UBE2D2: variants seen among roughly 807,000 people sequenced by gnomAD.
UBE2D2 encodes the protein ubiquitin-conjugating enzyme E2 D2.
Under a neutral mutation model 24.2 loss-of-function variants are expected in UBE2D2, and 2 were observed. The observed-to-expected ratio is 0.08, with a 90% CI of 0.03 to 0.26. The LOEUF (loss-of-function observed/expected upper bound fraction) is 0.26. Among genes scored for constraint, UBE2D2 ranks in the 10% least tolerant of loss-of-function variants. The probability of loss-of-function intolerance (pLI) is 1.00; values close to 1 mark genes in which losing one functional copy is unlikely to be tolerated. For missense variants in UBE2D2, 44 were observed against 177.6 expected, an observed-to-expected ratio of 0.25 and a Z score of 4.28; for synonymous variants, 58 against 56.5, an observed-to-expected ratio of 1.03 and a Z score of -0.12.
rs1754046635 is a variant in UBE2D2, at chr5:139,600,390, C to T, written c.43C>T (p.Arg15Trp). ...TCTGTAGGAATTGAATGATCTGGCA[C>T]GGGACCCTCCAGCACAGTGTTCAGC... ...RIHKELNDLA[R>W]DPPAQCSAGP... Residue 15 changes from arginine to tryptophan, a missense_variant, in exon 2 of 7, where the codon CGG (arginine) becomes TGG (tryptophan). Physicochemically the swap from Arg to Trp is moderately radical, Grantham distance 101 (BLOSUM62 -3). This residue lies in a region of UBE2D2 where 23 missense variants were observed against 141.9 expected (regional missense o/e 0.16). Coordinates refer to ENST00000398733, the MANE Select transcript of UBE2D2 (RefSeq NM_003339.3). 1.2e-6 allele frequency: 2 copies of T among 1,613,882 alleles called. No individual in the cohort carries two copies. Among genetic ancestry groups the T allele is most frequent in the Non-Finnish European group, 1.7e-6 (2 of 1,180,020 alleles).
chr5:139,571,161 C>G (rs898010037), intron 1 of UBE2D2, among the ~76,000 whole-genome samples: 2 of 152,098 alleles, frequency 1.3e-5, no homozygotes, highest in Admixed American at 1.3e-4. Context: ...GTAATCCCAG[C>G]ACTTTGGGAG....
intron 1 of UBE2D2, among the ~76,000 whole-genome samples, chr5:139,530,302 G>A (rs1752585745): frequency 6.6e-6 from 1 of 152,300 alleles, no homozygotes; most frequent in Admixed American, 6.5e-5. Context: ...AGGACAGGTA[G>A]CTGTATAATT....
At chr5:139,572,247 T>A (rs1473350992) in intron 1 of UBE2D2, among the ~76,000 whole-genome samples, 1 of 152,182 alleles carries the variant, frequency 6.6e-6, no homozygotes, top group Non-Finnish European at 1.5e-5. Flanking sequence ...CTTATCAAAG[T>A]AGTATTGTTG....
At chr5:139,532,036 G>A (rs367673680) in intron 1 of UBE2D2, among the ~76,000 whole-genome samples, 3 of 152,100 alleles carry the variant, frequency 2.0e-5, no homozygotes, top group East Asian at 3.8e-4. Flanking sequence ...GGGATGTTTT[G>A]GGGGTGTGAG....
At chr5:139,600,295 G>T in intron 1 of UBE2D2, 77 bp from the exon 2 acceptor site, 1 of 1,443,844 alleles carries the variant, frequency 6.9e-7, no homozygotes, top group Middle Eastern at 1.8e-4. Flanking sequence ...GAGAATATTG[G>T]TAACAATATA....
intron 2 of UBE2D2, among the ~76,000 whole-genome samples, chr5:139,606,205 G>A (rs1053961100): frequency 8.6e-5 from 13 of 150,696 alleles, no homozygotes; most frequent in African/African-American, 2.4e-4. Flanking sequence ...TCTGTTGCCC[G>A]GGCTGGAGTG....
intron 1 of UBE2D2, among the ~76,000 whole-genome samples, chr5:139,537,164 C>T (rs1473283470): frequency 7.0e-6 from 1 of 142,350 alleles, no homozygotes; most frequent in Non-Finnish European, 1.5e-5. Flanking sequence ...GCCTGGGAGA[C>T]AGAGCGAGAC....
At chr5:139,552,693 T>G (rs1360784500) in intron 1 of UBE2D2, among the ~76,000 whole-genome samples, 2 of 142,208 alleles carry the variant, frequency 1.4e-5, no homozygotes, top group African/African-American at 2.6e-5. Flanking sequence ...TTTTTTTTTT[T>G]TTTTTTGAGA....
chr5:139,614,383 T>C (rs1445653861), intron 2 of UBE2D2, among the ~76,000 whole-genome samples: 6 of 152,172 alleles, frequency 3.9e-5, no homozygotes, highest in Non-Finnish European at 8.8e-5. Context: ...ATATTTTTCA[T>C]TGAGCACCTT....
intron 5 of UBE2D2, among the ~76,000 whole-genome samples, chr5:139,615,929 G>A (rs1467823482): frequency 2.8e-5 from 4 of 140,454 alleles, no homozygotes; most frequent in Non-Finnish European, 6.0e-5. Context: ...TCCACCTCCC[G>A]GGTTCAAGCA....
chr5:139,593,517 GTATACATTGTTATA>G (rs1435469220), intron 1 of UBE2D2, among the ~76,000 whole-genome samples: 18 of 151,754 alleles, frequency 1.2e-4, no homozygotes, highest in South Asian at 8.3e-4. Context: ...ATGTAACAAT[GTATACATTGTTATA>G]TATACATTGT....
chr5:139,615,051 G>A, intron 5 of UBE2D2, 85 bp downstream of exon 5: 2 of 1,293,404 alleles, frequency 1.5e-6, no homozygotes, highest in Non-Finnish European at 2.2e-6. Flanking sequence ...GATTACTTAT[G>A]TTTCTTTTAA....
intron 2 of UBE2D2, among the ~76,000 whole-genome samples, chr5:139,606,985 T>C (rs1309284941): frequency 6.6e-6 from 1 of 152,190 alleles, no homozygotes; most frequent in Non-Finnish European, 1.5e-5. Context: ...TTTGTATTTT[T>C]AGTAGAGACG....
intron 2 of UBE2D2, among the ~76,000 whole-genome samples, chr5:139,601,090 A>G (rs976423313): frequency 6.6e-6 from 1 of 152,230 alleles, no homozygotes; most frequent in Non-Finnish European, 1.5e-5. Context: ...GGCATGAACC[A>G]CCACACCTGG....
chr5:139,571,385 C>T (rs1349846771), intron 1 of UBE2D2, among the ~76,000 whole-genome samples: 4 of 143,716 alleles, frequency 2.8e-5, no homozygotes, highest in African/African-American at 5.2e-5. Flanking sequence ...CTAGTCTGGG[C>T]GACAGAGCAA....
In UBE2D2 at chr5:139,607,089, C is replaced by T. The variant is rs144310236; in HGVS notation, c.88+6654C>T. On this transcript the variant is annotated intron_variant, in intron 2 of 6. Coordinates refer to ENST00000398733, the MANE Select transcript of UBE2D2 (RefSeq NM_003339.3). ...AAAGTGCTGGGATTACAGGCGTGAGCCACCACGCCTAGCCTACTTGAGCTA... is the reference window on the plus strand; with the variant it reads ...AAAGTGCTGGGATTACAGGCGTGAGTCACCACGCCTAGCCTACTTGAGCTA... 7.7e-3 allele frequency among the ~76,000 whole-genome samples: 1,174 copies of T among 152,342 alleles called. 8 individuals are homozygous for T. Among genetic ancestry groups the T allele is most frequent in the Middle Eastern group, 0.041 (12 of 294 alleles).
intron 1 of UBE2D2, among the ~76,000 whole-genome samples, chr5:139,583,567 A>G (rs573472806): frequency 3.9e-5 from 6 of 151,944 alleles, no homozygotes; most frequent in Non-Finnish European, 8.8e-5. Context: ...TTCGAGACCA[A>G]CCTGGCCAAC....
chr5:139,579,068 A>G (rs559899997), intron 1 of UBE2D2, among the ~76,000 whole-genome samples: 22 of 152,184 alleles, frequency 1.4e-4, no homozygotes, highest in Non-Finnish European at 2.8e-4. Flanking sequence ...CCCAGGTTCA[A>G]GTGATTCTCC....
chr5:139,579,209 G>A (rs1044950573), intron 1 of UBE2D2, among the ~76,000 whole-genome samples: 7 of 151,970 alleles, frequency 4.6e-5, no homozygotes, highest in African/African-American at 1.7e-4. Context: ...GTGCAATGGT[G>A]CGATCTTGGC....
Sources: gnomAD v4.1 joint callset for allele counts (sites outside exome capture counted in the v4.1 genomes callset) on GRCh38, gnomAD v4.1.1 for gene constraint, gnomAD v4.1.1 regional missense constraint, MANE v1.5 for transcripts, NCBI Gene and HGNC (gene_info 2026-07-23, HGNC 2026-07-21) for gene names.